Variants in TRPS1 observed in about 807,000 individuals in gnomAD.
TRPS1 encodes the protein zinc finger transcription factor Trps1.
Under a neutral mutation model 101.2 loss-of-function variants are expected in TRPS1, and 6 were observed. The ratio of observed to expected loss-of-function variants is 0.06; its 90% CI spans 0.03 to 0.12. TRPS1 has a LOEUF of 0.12. Ranked by LOEUF, TRPS1 falls within the 10% of genes least tolerant of loss-of-function variation. The pLI, the probability that TRPS1 is intolerant of heterozygous loss-of-function variation, is 1.00. For missense variants in TRPS1, 1,363 were observed against 1,567.0 expected (o/e 0.87, Z 2.20); for synonymous variants, 578 against 589.8 (o/e 0.98, Z 0.29).
intron 4 of TRPS1, 59 bp downstream of exon 4, chr8:115,603,814 T>C: frequency 6.3e-7 from 1 of 1,594,096 alleles, no homozygotes; most frequent in Non-Finnish European, 8.6e-7. Context: ...CCTCTTTCTA[T>C]GGATTTTTTC....
intron 5 of TRPS1, among the ~76,000 whole-genome samples, chr8:115,465,934 A>C (rs1424868222): frequency 6.6e-6 from 1 of 152,184 alleles, no homozygotes; most frequent in Non-Finnish European, 1.5e-5. Context: ...TGAACTTGAA[A>C]GTAGAGATTC....
intron 3 of TRPS1, among the ~76,000 whole-genome samples, chr8:115,616,333 A>G (rs1211666283): frequency 6.6e-6 from 1 of 152,210 alleles, no homozygotes. Context: ...TATTCCTCCA[A>G]GTATATTTGA....
chr8:115,549,479 T>G (rs1210487430), intron 5 of TRPS1, among the ~76,000 whole-genome samples: 5 of 152,114 alleles, frequency 3.3e-5, no homozygotes, highest in African/African-American at 1.2e-4. Context: ...GGTAAGAATG[T>G]TCTCATATAT....
intron 5 of TRPS1, among the ~76,000 whole-genome samples, chr8:115,549,837 G>A (rs1212827115): frequency 6.6e-6 from 1 of 152,052 alleles, no homozygotes; most frequent in Non-Finnish European, 1.5e-5. Context: ...TTGTAGGATG[G>A]GCAATGCTGT....
At chr8:115,498,229 A>G (rs535971863) in intron 5 of TRPS1, among the ~76,000 whole-genome samples, 6 of 151,776 alleles carry the variant, frequency 4.0e-5, no homozygotes, top group Non-Finnish European at 7.4e-5. Context: ...AACACAAAAA[A>G]TTAGCCGGGC....
chr8:115,427,777 G>A (rs988643404), intron 5 of TRPS1, among the ~76,000 whole-genome samples: 3 of 149,000 alleles, frequency 2.0e-5, no homozygotes, highest in Non-Finnish European at 3.0e-5. Flanking sequence ...ATATGGCAAC[G>A]AGCTGTTTTG....
At chr8:115,666,239 CTTG>C (rs1275265637) in intron 1 of TRPS1, among the ~76,000 whole-genome samples, 3 of 151,646 alleles carry the variant, frequency 2.0e-5, no homozygotes, top group African/African-American at 7.3e-5. Context: ...ATATGTTTGA[CTTG>C]TTAAGATTAA....
chr8:115,518,102 G>A (rs1429282045), intron 5 of TRPS1, among the ~76,000 whole-genome samples: 1 of 96 alleles, frequency 0.01, no homozygotes, highest in Non-Finnish European at 0.023. Context: ...AATTCTGGTA[G>A]TAAAGAGCAA....
chr8:115,570,355 C>T (rs1057264851), intron 5 of TRPS1, among the ~76,000 whole-genome samples: 1 of 152,002 alleles, frequency 6.6e-6, no homozygotes, highest in African/African-American at 2.4e-5. Flanking sequence ...AAAATTTACA[C>T]AGGCGGTACG....
At chr8:115,605,670 C>CA (rs964675986) in intron 3 of TRPS1, among the ~76,000 whole-genome samples, 10 of 150,168 alleles carry the variant, frequency 6.7e-5, no homozygotes, top group East Asian at 1.9e-4. Context: ...CTAGAACAAA[C>CA]AAAAAAAAAG....
chr8:115,506,785 T>C (rs1815455532), intron 5 of TRPS1, among the ~76,000 whole-genome samples: 1 of 152,110 alleles, frequency 6.6e-6, no homozygotes, highest in Non-Finnish European at 1.5e-5. Context: ...ATTTGTAAAA[T>C]GTTCACAATC....
chr8:115,450,255 G>A (rs978398883), intron 5 of TRPS1, among the ~76,000 whole-genome samples: 6 of 152,130 alleles, frequency 3.9e-5, no homozygotes, highest in Admixed American at 2.6e-4. Flanking sequence ...TGTTCTGATC[G>A]TGATATGGAG....
chr8:115,512,548 C>G (rs1219375114), intron 5 of TRPS1, among the ~76,000 whole-genome samples: 1 of 151,304 alleles, frequency 6.6e-6, no homozygotes, highest in East Asian at 1.9e-4. Flanking sequence ...CTAAAAAATT[C>G]ATGCTCATGA....
intron 1 of TRPS1, among the ~76,000 whole-genome samples, chr8:115,640,717 C>T (rs768360015): frequency 6.6e-6 from 1 of 152,204 alleles, no homozygotes; most frequent in Non-Finnish European, 1.5e-5. Context: ...TTTCTCAACT[C>T]CTAACGTATC....
chr8:115,588,597 C>G (rs2130448939), intron 4 of TRPS1, among the ~76,000 whole-genome samples: 1 of 152,216 alleles, frequency 6.6e-6, no homozygotes, highest in South Asian at 2.1e-4. Flanking sequence ...AAGTATTGCA[C>G]TGTAAAAAGC....
At chr8:115,521,579 CAAT>C (rs764635249) in intron 5 of TRPS1, among the ~76,000 whole-genome samples, 1 of 151,696 alleles carries the variant, frequency 6.6e-6, no homozygotes, top group Non-Finnish European at 1.5e-5. Flanking sequence ...ATAAATTATA[CAAT>C]AATATCTCTA....
intron 5 of TRPS1, among the ~76,000 whole-genome samples, chr8:115,479,130 A>G (rs556797768): frequency 6.6e-6 from 1 of 152,198 alleles, no homozygotes; most frequent in African/African-American, 2.4e-5. Context: ...TACCTTAAAA[A>G]ATCATTAAAC....
At chr8:115,547,175 TA>T (rs1233938238) in intron 5 of TRPS1, among the ~76,000 whole-genome samples, 1 of 152,212 alleles carries the variant, frequency 6.6e-6, no homozygotes, top group East Asian at 1.9e-4. Context: ...AGCAAATGAT[TA>T]AAAGATGCTT....
At chr8:115,602,149 G>A (rs199520934) in intron 4 of TRPS1, among the ~76,000 whole-genome samples, 71 of 151,262 alleles carry the variant, frequency 4.7e-4, no homozygotes, top group African/African-American at 1.3e-3. Flanking sequence ...GTGCGTGTGC[G>A]TGTGTGTGTG....
Sources: gnomAD v4.1 joint callset for allele counts (sites outside exome capture counted in the v4.1 genomes callset) on GRCh38, gnomAD v4.1.1 for gene constraint, MANE v1.5 for transcripts, NCBI Gene and HGNC (gene_info 2026-07-23, HGNC 2026-07-21) for gene names.